Variants in SPOCK3 observed in about 807,000 individuals in gnomAD.
SPOCK3 encodes testican-3.
A neutral mutation model predicts 56.6 loss-of-function variants in SPOCK3; 30 were observed. The observed-to-expected ratio is 0.53, with a 90% confidence interval of 0.40 to 0.72. The LOEUF is 0.72. Ranked by LOEUF, SPOCK3 falls within the 30% of genes least tolerant of loss-of-function variation. The pLI, the probability that SPOCK3 is intolerant of heterozygous loss-of-function variation, is 0.00. For missense variants in SPOCK3, 527 were observed against 530.0 expected (o/e 0.99, Z 0.06); for synonymous variants, 196 against 183.3 (o/e 1.07, Z -0.56).
rs1452789087 is a variant in SPOCK3, at chr4:166,756,019, A to G, written c.710-1290T>C. Among the ~76,000 whole-genome samples the G allele has an allele frequency of 5.5e-5, 2 of 36,252 alleles. 1 individual carries two copies. Among genetic ancestry groups the G allele is most frequent in the South Asian group, 2.7e-3 (2 of 732 alleles). The allele number at this position is 36,252 out of a possible 152,430, so 23.8% of individuals were successfully genotyped here. A position where few individuals can be genotyped will look rare whatever the true frequency, so the allele number is the denominator to read the frequency against. On this transcript the variant is annotated intron_variant, in intron 7 of 10. Coordinates refer to ENST00000357545, the MANE Select transcript of SPOCK3 (RefSeq NM_001040159.2). ...GAGTGCCAGACAGTGGGCGCAGGCC[A>G]GTGTGTGTGCGCACCGTGCGCGAGC...
At chr4:166,893,433 A>T (rs1306505839) in intron 5 of SPOCK3, among the ~76,000 whole-genome samples, 1 of 152,168 alleles carries the variant, frequency 6.6e-6, no homozygotes, top group Non-Finnish European at 1.5e-5. Flanking sequence ...GAAAAGATAC[A>T]GTTGACAATA....
At chr4:167,137,742 C>T (rs1763237509) in intron 2 of SPOCK3, among the ~76,000 whole-genome samples, 1 of 151,688 alleles carries the variant, frequency 6.6e-6, no homozygotes, top group African/African-American at 2.4e-5. Context: ...TTTTAAAACA[C>T]CAAATCACAA....
intron 6 of SPOCK3, among the ~76,000 whole-genome samples, chr4:166,825,047 G>T (rs1288129399): frequency 6.6e-6 from 1 of 152,010 alleles, no homozygotes; most frequent in Admixed American, 6.6e-5. Flanking sequence ...CATTTATTCA[G>T]ACATTATGTT....
intron 7 of SPOCK3, among the ~76,000 whole-genome samples, chr4:166,771,102 T>C (rs1738879453): frequency 1.3e-5 from 2 of 150,136 alleles, no homozygotes; most frequent in Non-Finnish European, 3.0e-5. Context: ...GATGAAATGA[T>C]AGCACTATTC....
At chr4:167,002,797 G>C (rs890283029) in intron 3 of SPOCK3, among the ~76,000 whole-genome samples, 1 of 152,078 alleles carries the variant, frequency 6.6e-6, no homozygotes, top group Admixed American at 6.5e-5. Flanking sequence ...CTATAACTTA[G>C]AAGACATTAA....
At chr4:167,090,638 G>A (rs1258530395) in intron 2 of SPOCK3, among the ~76,000 whole-genome samples, 1 of 151,830 alleles carries the variant, frequency 6.6e-6, no homozygotes, top group African/African-American at 2.4e-5. Context: ...CAAGTAGCTG[G>A]GATTACAGGC....
intron 4 of SPOCK3, among the ~76,000 whole-genome samples, chr4:166,950,804 T>C (rs1742495800): frequency 6.7e-6 from 1 of 149,412 alleles, no homozygotes; most frequent in African/African-American, 2.6e-5. Flanking sequence ...CTCAACTACA[T>C]GGAAACTGAA....
chr4:167,058,746 A>G (rs1216506106), intron 3 of SPOCK3, among the ~76,000 whole-genome samples: 3 of 152,330 alleles, frequency 2.0e-5, no homozygotes, highest in African/African-American at 7.2e-5. Context: ...CCTGACTTCA[A>G]ACTATACTAC....
intron 4 of SPOCK3, among the ~76,000 whole-genome samples, chr4:166,921,012 A>G (rs1326370275): frequency 6.6e-6 from 1 of 152,150 alleles, no homozygotes; most frequent in Admixed American, 6.5e-5. Flanking sequence ...AGTCATTATC[A>G]TTGCCTTTCT....
intron 3 of SPOCK3, among the ~76,000 whole-genome samples, chr4:167,055,869 G>A (rs1357527551): frequency 6.6e-6 from 1 of 152,170 alleles, no homozygotes; most frequent in Non-Finnish European, 1.5e-5. Flanking sequence ...CACCTCTGGG[G>A]GCAGGGCACA....
At chr4:166,879,795 T>A (rs1733500228) in intron 6 of SPOCK3, among the ~76,000 whole-genome samples, 1 of 152,114 alleles carries the variant, frequency 6.6e-6, no homozygotes, top group South Asian at 2.1e-4. Flanking sequence ...ATGTTGGAGG[T>A]GAGATCTGGC....
chr4:167,124,885 T>C (rs1762137722), intron 2 of SPOCK3, among the ~76,000 whole-genome samples: 2 of 152,314 alleles, frequency 1.3e-5, no homozygotes, highest in South Asian at 4.1e-4. Flanking sequence ...CCCCTTGCTA[T>C]AGCACAATAA....
intron 3 of SPOCK3, among the ~76,000 whole-genome samples, chr4:167,011,721 C>T (rs965563095): frequency 1.3e-5 from 2 of 151,996 alleles, no homozygotes; most frequent in Admixed American, 6.6e-5. Flanking sequence ...GCAAATGTGG[C>T]TTTCTAACAA....
intron 4 of SPOCK3, among the ~76,000 whole-genome samples, chr4:166,988,578 T>A (rs1265560493): frequency 6.6e-6 from 1 of 152,080 alleles, no homozygotes; most frequent in African/African-American, 2.4e-5. Context: ...TGGATTTTAG[T>A]CTTAAATATA....
intron 2 of SPOCK3, among the ~76,000 whole-genome samples, chr4:167,206,101 A>G (rs1235639697): frequency 6.6e-6 from 1 of 152,010 alleles, no homozygotes; most frequent in Non-Finnish European, 1.5e-5. Context: ...GGGAGGGTGG[A>G]TCACTTGAGG....
chr4:166,747,520 C>T lies in SPOCK3; in HGVS notation c.932-5461G>A, dbSNP rs185798389. On this transcript the variant is annotated intron_variant, in intron 8 of 10. Transcript: ENST00000357545. Reference sequence around the variant, plus strand: ...AGAGCTATTTATGACAAACCCACAGCCAATATCATACTGAATGGCCAAAAA... The same window carrying T: ...AGAGCTATTTATGACAAACCCACAGTCAATATCATACTGAATGGCCAAAAA... 9.2e-4 allele frequency among the ~76,000 whole-genome samples: 140 copies of T among 152,256 alleles called. No homozygotes were observed. The East Asian group carries it at 0.018, about 19-fold the overall frequency.
chr4:166,894,426 C>T (rs1391548067), intron 5 of SPOCK3, among the ~76,000 whole-genome samples: 1 of 151,934 alleles, frequency 6.6e-6, no homozygotes, highest in Non-Finnish European at 1.5e-5. Flanking sequence ...AGAAATGGAC[C>T]CACAGAGTCC....
intron 2 of SPOCK3, among the ~76,000 whole-genome samples, chr4:167,078,196 A>C (rs547922403): frequency 6.6e-6 from 1 of 152,024 alleles, no homozygotes; most frequent in Admixed American, 6.6e-5. Context: ...AAGTATAAAG[A>C]AATCTAGAAA....
chr4:166,997,786 G>T (rs1263293879), intron 4 of SPOCK3, among the ~76,000 whole-genome samples: 2 of 152,192 alleles, frequency 1.3e-5, no homozygotes, highest in African/African-American at 4.8e-5. Flanking sequence ...ACTGGAAAGT[G>T]TGTTTGAAAA....
Sources: gnomAD v4.1 joint callset for allele counts (sites outside exome capture counted in the v4.1 genomes callset) on GRCh38, gnomAD v4.1.1 for gene constraint, MANE v1.5 for transcripts, NCBI Gene and HGNC (gene_info 2026-07-23, HGNC 2026-07-21) for gene names.